The following SGCZ variants were observed in gnomAD, a reference collection of about 807,000 sequenced individuals.
The protein encoded by SGCZ is zeta-sarcoglycan.
SGCZ carries 40 observed loss-of-function variants against 41.3 expected under a neutral mutation model. The ratio of observed to expected loss-of-function variants is 0.97; its 90% CI spans 0.75 to 1.26. The LOEUF (loss-of-function observed/expected upper bound fraction) is 1.26. Among genes scored for constraint, SGCZ ranks in the 50% most tolerant of loss-of-function variants. SGCZ has a pLI of 0.00. For missense variants in SGCZ, 552 were observed against 369.8 expected, an observed-to-expected ratio of 1.49 and a Z score of -4.04; for synonymous variants, 206 against 137.5, an observed-to-expected ratio of 1.50 and a Z score of -3.49.
intron 3 of SGCZ, among the ~76,000 whole-genome samples, chr8:14,302,581 A>T (rs1801232589): frequency 1.3e-5 from 2 of 151,766 alleles, no homozygotes; most frequent in African/African-American, 2.4e-5. Flanking sequence ...GAGAGCTTTG[A>T]CTCTGTCCCC....
At chr8:14,354,940 T>C (rs934204030) in intron 2 of SGCZ, among the ~76,000 whole-genome samples, 1 of 151,928 alleles carries the variant, frequency 6.6e-6, no homozygotes, top group African/African-American at 2.4e-5. Flanking sequence ...AGGATCTGGA[T>C]GTATTGCTAA....
chr8:14,296,171 G>T (rs1239184198), intron 3 of SGCZ, among the ~76,000 whole-genome samples: 1 of 152,104 alleles, frequency 6.6e-6, no homozygotes, highest in African/African-American at 2.4e-5. Context: ...ATCTGATCTG[G>T]CAGGAGACTA....
intron 1 of SGCZ, among the ~76,000 whole-genome samples, chr8:14,690,154 T>C (rs1808753486): frequency 6.6e-6 from 1 of 150,928 alleles, no homozygotes; most frequent in Admixed American, 6.6e-5. Context: ...TCTAAAGAGG[T>C]TATTTTGGGC....
intron 4 of SGCZ, among the ~76,000 whole-genome samples, chr8:14,200,601 G>A (rs981126235): frequency 1.6e-4 from 24 of 152,086 alleles, no homozygotes; most frequent in African/African-American, 5.1e-4. Context: ...TTTAAAAGAG[G>A]TGTTTTTTTG....
At chr8:14,112,210 G>A (rs1036801278) in intron 5 of SGCZ, among the ~76,000 whole-genome samples, 1 of 149,840 alleles carries the variant, frequency 6.7e-6, no homozygotes, top group Non-Finnish European at 1.5e-5. Flanking sequence ...TGTGCCAAAT[G>A]AGAACTTTTG....
At chr8:14,749,934 T>C (rs969337301) in intron 1 of SGCZ, among the ~76,000 whole-genome samples, 5 of 152,114 alleles carry the variant, frequency 3.3e-5, no homozygotes, top group South Asian at 2.1e-4. Flanking sequence ...AGATATACAC[T>C]GCATTGTTGA....
intron 1 of SGCZ, among the ~76,000 whole-genome samples, chr8:15,024,268 C>T (rs906143239): frequency 5.9e-5 from 9 of 151,882 alleles, no homozygotes; most frequent in African/African-American, 2.2e-4. Flanking sequence ...GAAATATTAA[C>T]AAATTTATAT....
chr8:14,709,737 A>G (rs150859394), intron 1 of SGCZ, among the ~76,000 whole-genome samples: 214 of 152,314 alleles, frequency 1.4e-3, no homozygotes, highest in African/African-American at 4.8e-3. Flanking sequence ...CGAAATGGCA[A>G]TGCTAGAACC....
chr8:14,504,850 A>T (rs955074105), intron 2 of SGCZ, among the ~76,000 whole-genome samples: 1 of 152,158 alleles, frequency 6.6e-6, no homozygotes, highest in African/African-American at 2.4e-5. Context: ...TATATTTAAA[A>T]AACAATATTT....
At position 14,668,828 on chromosome 8, in the gene SGCZ, T is replaced by C. The variant is rs1254929252; in HGVS notation, c.40-113902A>G. Among the ~76,000 whole-genome samples the C allele has an allele frequency of 2.0e-5, 3 of 152,136 alleles. No individual in the cohort carries two copies. The East Asian group carries it at 5.8e-4, about 29-fold the overall frequency. On this transcript the variant is annotated intron_variant, in intron 1 of 7. Transcript: ENST00000382080. ...AAATTTGACAAACATATATTTAAGG[T>C]ATGCAGGTTGAGGATTTGATATCCT... is the stretch of plus-strand genomic sequence containing the variant.
At position 14,243,100 on chromosome 8, in the gene SGCZ, T is replaced by C. The variant is rs188723854; in HGVS notation, c.337-5421A>G. ...AATGAGGAGGGTATGTTATAAACTG[T>C]CATCTGCCTACACATTTTAGAAAGT... On this transcript the variant is annotated intron_variant, in intron 3 of 7. Coordinates refer to ENST00000382080, the MANE Select transcript of SGCZ (RefSeq NM_139167.4). Among the ~76,000 whole-genome samples, 10 of 152,314 alleles carry C rather than the reference T, an allele frequency of 6.6e-5. No individual in the cohort carries two copies. The East Asian group carries it at 1.9e-3, about 29-fold the overall frequency.
At chr8:14,644,162 T>C (rs944067613) in intron 1 of SGCZ, among the ~76,000 whole-genome samples, 1 of 151,758 alleles carries the variant, frequency 6.6e-6, no homozygotes. Context: ...TGGTGCCCAG[T>C]TGTTTAGTCA....
Position 15,097,837 on chromosome 8 carries a change from T to TGTATATATATATAC in SGCZ, c.39+139747_39+139748insGTATATATATATAC, listed in dbSNP as rs1563123918. Among the ~76,000 whole-genome samples the TGTATATATATATAC allele has an allele frequency of 6.1e-3, 51 of 8,426 alleles. 3 individuals are homozygous for TGTATATATATATAC. The highest frequency in any genetic ancestry group is 0.1 in the Middle Eastern group (1 of 10). The allele number at this position is 8,426 out of a possible 152,430, so 5.5% of individuals were successfully genotyped here. ...ATACGTGTGTGTATATATATATACGTGTGTGTATATATATATATACGTGTG... is the reference window on the plus strand; with the variant it reads ...ATACGTGTGTGTATATATATATACGTGTATATATATATACGTGTGTATATATATATATACGTGTG... On this transcript the variant is annotated intron_variant, in intron 1 of 7. Coordinates refer to ENST00000382080, the MANE Select transcript of SGCZ (RefSeq NM_139167.4).
At chr8:14,288,661 C>T (rs1342934598) in intron 3 of SGCZ, among the ~76,000 whole-genome samples, 1 of 152,048 alleles carries the variant, frequency 6.6e-6, no homozygotes, top group Non-Finnish European at 1.5e-5. Context: ...TATGGATTTA[C>T]CATATTTTAT....
At chr8:14,319,436 G>A (rs891025046) in intron 3 of SGCZ, 21 of 152,076 alleles carry the variant, frequency 1.4e-4, no homozygotes, top group African/African-American at 4.3e-4. Flanking sequence ...ATGATTTCAA[G>A]GATTAAAAAA....
At position 14,308,564 on chromosome 8, in the gene SGCZ, C is replaced by T. The variant is rs1051228287; in HGVS notation, c.336+15539G>A. 5.9e-5 allele frequency among the ~76,000 whole-genome samples: 9 copies of T among 151,894 alleles called. No individual in the cohort carries two copies. In the East Asian group the frequency reaches 1.2e-3, roughly 20 times the overall value. ...GACCCCCTTGCCCCTGGCCTTTATA[C>T]TGCTTGTGTTTGTTTTTCTATGATT... On this transcript the variant is annotated intron_variant, in intron 3 of 7. Coordinates refer to ENST00000382080, the MANE Select transcript of SGCZ (RefSeq NM_139167.4).
intron 4 of SGCZ, among the ~76,000 whole-genome samples, chr8:14,198,971 T>C (rs972997722): frequency 2.0e-5 from 3 of 152,292 alleles, no homozygotes; most frequent in Admixed American, 2.0e-4. Flanking sequence ...CCTGTGATGA[T>C]TGTGTTAACT....
Position 14,199,141 on chromosome 8 carries a change from C to G in SGCZ, c.425-34439G>C, listed in dbSNP as rs139064652. On this transcript the variant is annotated intron_variant, in intron 4 of 7. Transcript: ENST00000382080. Reference sequence around the variant, plus strand: ...AGCCATATTTCTCTTCTTTCAAAAGCAAATGGGAGAAATACTGCTGAATTC... The same window carrying G: ...AGCCATATTTCTCTTCTTTCAAAAGGAAATGGGAGAAATACTGCTGAATTC... Among the ~76,000 whole-genome samples the G allele has an allele frequency of 2.1e-3, 314 of 152,286 alleles. 3 individuals are homozygous for G. The South Asian group carries it at 0.032, about 16-fold the overall frequency.
chr8:15,136,301 T>C (rs1808102758), intron 1 of SGCZ, among the ~76,000 whole-genome samples: 2 of 152,062 alleles, frequency 1.3e-5, no homozygotes, highest in Non-Finnish European at 2.9e-5. Flanking sequence ...GTTTATTGGA[T>C]GGTTCATGCT....
Sources: gnomAD v4.1 joint callset for allele counts (sites outside exome capture counted in the v4.1 genomes callset) on GRCh38, gnomAD v4.1.1 for gene constraint, MANE v1.5 for transcripts, NCBI Gene and HGNC (gene_info 2026-07-23, HGNC 2026-07-21) for gene names.